AFAP1: variants seen among roughly 807,000 people sequenced by gnomAD.
AFAP1 encodes actin filament associated protein 1.
A neutral mutation model predicts 93.9 loss-of-function variants in AFAP1; 75 were observed. The ratio of observed to expected loss-of-function variants is 0.80; its 90% CI spans 0.66 to 0.97. The LOEUF (loss-of-function observed/expected upper bound fraction) is 0.97, where lower values mean the gene tolerates loss of function less well. AFAP1 is among the 50% of genes least tolerant of loss of function. The pLI is 0.00. For synonymous variants in AFAP1, 517 were observed against 430.7 expected (o/e 1.20, Z -2.48); for missense variants, 1,201 against 1,050.8 (o/e 1.14, Z -1.98).
chr4:7,811,472 G>A (rs1201073288), intron 8 of AFAP1, among the ~76,000 whole-genome samples: 6 of 151,204 alleles, frequency 4.0e-5, no homozygotes, highest in Admixed American at 1.3e-4. Context: ...CCCAATCTCC[G>A]CCTCTCTCTG....
intron 4 of AFAP1, among the ~76,000 whole-genome samples, chr4:7,845,717 C>T (rs1051622072): frequency 6.6e-6 from 1 of 152,172 alleles, no homozygotes; most frequent in South Asian, 2.1e-4. Flanking sequence ...ACACCCCACA[C>T]ACCCATCAGC....
intron 1 of AFAP1, among the ~76,000 whole-genome samples, chr4:7,901,925 T>C (rs180807034): frequency 1.3e-5 from 2 of 152,294 alleles, no homozygotes; most frequent in Admixed American, 1.3e-4. Flanking sequence ...TCCCAGAGAT[T>C]TTATAGTGGA....
At chr4:7,846,256 T>A (rs559915620) in intron 4 of AFAP1, among the ~76,000 whole-genome samples, 2 of 152,344 alleles carry the variant, frequency 1.3e-5, no homozygotes. Flanking sequence ...GGCTTCTTTA[T>A]GATAAATCAC....
intron 12 of AFAP1, 52 bp downstream of exon 12, chr4:7,786,142 C>T: frequency 1.3e-6 from 2 of 1,531,294 alleles, no homozygotes; most frequent in Non-Finnish European, 9.0e-7. Flanking sequence ...AGAATTTTCA[C>T]AGCCTCGGCC....
intron 14 of AFAP1, 126 bp downstream of exon 14, chr4:7,778,636 G>T (rs367783158): frequency 9.0e-6 from 8 of 885,798 alleles, no homozygotes; most frequent in Non-Finnish European, 1.3e-5. Flanking sequence ...GAAGGATGAC[G>T]GTGCCCACCG....
intron 2 of AFAP1, among the ~76,000 whole-genome samples, chr4:7,870,338 G>C (rs561966346): frequency 1.3e-5 from 2 of 152,292 alleles, no homozygotes; most frequent in South Asian, 4.1e-4. Flanking sequence ...AAGAGTCTGA[G>C]CAGGGAAGTA....
intron 2 of AFAP1, among the ~76,000 whole-genome samples, chr4:7,869,985 G>A (rs138014482): frequency 1.1e-3 from 165 of 152,244 alleles, no homozygotes; most frequent in East Asian, 7.7e-3. Context: ...CTCACTGGGC[G>A]GAGGGAAAAG....
At chr4:7,768,776 C>G (rs1050639451) in intron 17 of AFAP1, 68 bp downstream of exon 17, 5 of 1,474,266 alleles carry the variant, frequency 3.4e-6, no homozygotes, top group Non-Finnish European at 4.5e-6. Flanking sequence ...CCTACTCACA[C>G]CCGAGAATGC....
intron 1 of AFAP1, among the ~76,000 whole-genome samples, chr4:7,899,786 T>C (rs986969285): frequency 1.3e-5 from 2 of 151,964 alleles, no homozygotes; most frequent in Non-Finnish European, 2.9e-5. Context: ...GAACCAGAGA[T>C]GGCAAATAGG....
chr4:7,933,157 G>A (rs528608182), intron 1 of AFAP1, among the ~76,000 whole-genome samples: 1 of 152,204 alleles, frequency 6.6e-6, no homozygotes, highest in South Asian at 2.1e-4. Flanking sequence ...ACCGCGGTGG[G>A]AGATTCTAAC....
In AFAP1 at chr4:7,763,524, C is replaced by CT. The variant is rs1292117907; in HGVS notation, c.*240dup. On this transcript the variant is annotated 3_prime_UTR_variant, in exon 18 of 18. Coordinates refer to ENST00000420658, the MANE Select transcript of AFAP1 (RefSeq NM_001134647.2). Reference sequence around the variant, plus strand: ...CATCCTTTCAAACACCTTTCCATCACTTTTTTTGTTTTTTAACAAAGTTGG... The same window carrying CT: ...CATCCTTTCAAACACCTTTCCATCACTTTTTTTTGTTTTTTAACAAAGTTGG... 3.6e-6 allele frequency: 2 copies of CT among 549,534 alleles called. No homozygotes were observed. The highest frequency in any genetic ancestry group is 2.6e-5 in the South Asian group (1 of 37,912). 34.0% of individuals were successfully genotyped at this position (549,534 alleles called of 1,614,324 possible).
At chr4:7,838,469 A>C (rs1446645424) in intron 6 of AFAP1, 55 bp downstream of exon 6, 1 of 1,533,930 alleles carries the variant, frequency 6.5e-7, no homozygotes, top group Admixed American at 2.2e-5. Flanking sequence ...ATTAAAATGG[A>C]TCTCAGAAAG....
At chr4:7,845,914 A>T (rs1308680526) in intron 4 of AFAP1, among the ~76,000 whole-genome samples, 1 of 152,208 alleles carries the variant, frequency 6.6e-6, no homozygotes, top group Non-Finnish European at 1.5e-5. Context: ...AATCTAGGGC[A>T]AAATGCAAGC....
intron 17 of AFAP1, among the ~76,000 whole-genome samples, chr4:7,767,171 G>C (rs888629299): frequency 2.6e-5 from 4 of 152,194 alleles, no homozygotes. Flanking sequence ...GGAGGGACGA[G>C]AGCAGCTTCC....
At chr4:7,844,126 G>C (rs1560194218) in intron 4 of AFAP1, among the ~76,000 whole-genome samples, 1 of 152,126 alleles carries the variant, frequency 6.6e-6, no homozygotes, top group Non-Finnish European at 1.5e-5. Flanking sequence ...ACCAAAGCTG[G>C]GTGCTATGGA....
At chr4:7,763,933 G>T in intron 17 of AFAP1, 142 bp from the exon 18 acceptor site, 1 of 764,834 alleles carries the variant, frequency 1.3e-6, no homozygotes, top group Non-Finnish European at 2.2e-6. Context: ...CCAATGACCC[G>T]GCAATTCCAC....
At chr4:7,774,927 A>T in intron 14 of AFAP1, 24 bp from the exon 15 acceptor site, 1 of 1,597,728 alleles carries the variant, frequency 6.3e-7, no homozygotes, top group African/African-American at 1.4e-5. Flanking sequence ...AAAAGCAGCA[A>T]TTAAAAATTA....
intron 8 of AFAP1, among the ~76,000 whole-genome samples, chr4:7,812,436 G>C (rs575600713): frequency 6.6e-6 from 1 of 152,246 alleles, no homozygotes; most frequent in Admixed American, 6.5e-5. Flanking sequence ...AATACTCCCT[G>C]ATCAGTTTTT....
At chr4:7,847,794 G>A (rs1050420693) in intron 4 of AFAP1, among the ~76,000 whole-genome samples, 1 of 94,794 alleles carries the variant, frequency 1.1e-5, no homozygotes, top group Non-Finnish European at 2.0e-5. Flanking sequence ...AGGGGTACTC[G>A]GGGTGGGGCA....
Sources: allele counts gnomAD v4.1 joint callset (sites outside exome capture counted in the v4.1 genomes callset), GRCh38; gene constraint gnomAD v4.1.1; transcripts MANE v1.5; gene names NCBI Gene and HGNC (gene_info 2026-07-23, HGNC 2026-07-21).